ABR: variants seen among roughly 807,000 people sequenced by gnomAD.
ABR encodes active breakpoint cluster region-related protein.
ABR carries 35 observed loss-of-function variants against 107.2 expected under a neutral mutation model. The ratio of observed to expected loss-of-function variants is 0.33; its 90% CI spans 0.25 to 0.43. ABR has a LOEUF of 0.43. ABR is among the 20% of genes least tolerant of loss of function. The pLI, the probability that ABR is intolerant of heterozygous loss-of-function variation, is 1.00. For synonymous variants in ABR, 498 were observed against 462.0 expected, an observed-to-expected ratio of 1.08 and a Z score of -1.00; for missense variants, 815 against 1,115.2, an observed-to-expected ratio of 0.73 and a Z score of 3.83.
intron 2 of ABR, among the ~76,000 whole-genome samples, chr17:1,123,995 T>C (rs1431680345): frequency 1.3e-5 from 2 of 150,526 alleles, no homozygotes; most frequent in African/African-American, 2.4e-5. Flanking sequence ...CCGCCAGCCC[T>C]TCCCACAGGT....
intron 9 of ABR, among the ~76,000 whole-genome samples, chr17:1,069,262 A>G (rs2035016155): frequency 1.3e-5 from 2 of 152,128 alleles, no homozygotes; most frequent in African/African-American, 2.4e-5. Flanking sequence ...TCAGTGGGGG[A>G]CGGGGTTTCC....
rs1426201992 is a variant in ABR at position 1,011,053 on chromosome 17, G to C, written c.2102-190C>G. 1.5e-6 allele frequency: 1 copy of C among 677,188 alleles called. No homozygotes were observed. Among genetic ancestry groups the C allele is most frequent in the African/African-American group, 1.8e-5 (1 of 55,248 alleles). The allele number at this position is 677,188 out of a possible 1,614,324, so 41.9% of individuals were successfully genotyped here. ...TGGGTCGGGGTTGGGGGAACAGGGAGAGATAGCCTGGGGGCCATCTGCTGT... is the reference window on the plus strand; with the variant it reads ...TGGGTCGGGGTTGGGGGAACAGGGACAGATAGCCTGGGGGCCATCTGCTGT... On this transcript the variant is annotated intron_variant, in intron 19 of 22. Coordinates refer to ENST00000302538, the MANE Select transcript of ABR (RefSeq NM_021962.5). This position sits in a 1 kb window ranked among gnomAD's most constrained non-coding sequence, Gnocchi z 4.8.
At chr17:1,177,601 A>T (rs577119492) in intron 1 of ABR, among the ~76,000 whole-genome samples, 2 of 152,118 alleles carry the variant, frequency 1.3e-5, no homozygotes, top group Non-Finnish European at 2.9e-5. Flanking sequence ...GGGGTATGGA[A>T]GACTTGGAAA....
intron 1 of ABR, among the ~76,000 whole-genome samples, chr17:1,145,375 G>A (rs369280754): frequency 3.3e-5 from 5 of 152,268 alleles, no homozygotes; most frequent in East Asian, 1.9e-4. Flanking sequence ...CTTCCCCTCC[G>A]AACCTCCTCA....
At position 1,003,601 on chromosome 17, in the gene ABR, A is replaced by G. The variant is rs1165630520; in HGVS notation, c.*2479T>C. ...GGTTTACATCAATTTATAATAATCT[A>G]CATAAGTTGAAACAGAACATAGACA... On this transcript the variant is annotated 3_prime_UTR_variant, in exon 23 of 23. Coordinates refer to ENST00000302538, the MANE Select transcript of ABR (RefSeq NM_021962.5). 6.6e-6 allele frequency: 1 copy of G among 152,628 alleles called. No individual in the cohort carries two copies. The highest frequency in any genetic ancestry group is 1.5e-5 in the Non-Finnish European group (1 of 68,042). 9.5% of individuals were successfully genotyped at this position (152,628 alleles called of 1,614,324 possible).
intron 2 of ABR, among the ~76,000 whole-genome samples, chr17:1,123,057 C>T (rs1218886390): frequency 6.6e-6 from 1 of 152,154 alleles, no homozygotes; most frequent in African/African-American, 2.4e-5. Context: ...GTGTTTTTAA[C>T]CAAAACATCC....
upstream of ABR, among the ~76,000 whole-genome samples, chr17:1,188,549 C>CAA (rs71148442): frequency 1.1e-4 from 16 of 142,224 alleles, no homozygotes; most frequent in African/African-American, 4.1e-4. Flanking sequence ...GACTCCGTCT[C>CAA]AAAAAAAAAA....
At chr17:1,024,050 G>T (rs1345079739) in intron 16 of ABR, among the ~76,000 whole-genome samples, 2 of 80,414 alleles carry the variant, frequency 2.5e-5, no homozygotes, top group African/African-American at 8.0e-5. Flanking sequence ...AAAAAAAAAA[G>T]CAGCATCAAC....
chr17:1,100,900 T>G (rs879923677), intron 2 of ABR, 165 bp from the exon 3 acceptor site: 19 of 649,376 alleles, frequency 2.9e-5, no homozygotes, highest in Non-Finnish European at 4.8e-5. Context: ...CTCGGCTCAC[T>G]GCAACCTCCG....
At chr17:1,151,485 C>T (rs999313385) in intron 1 of ABR, among the ~76,000 whole-genome samples, 1 of 151,000 alleles carries the variant, frequency 6.6e-6, no homozygotes, top group Non-Finnish European at 1.5e-5. Context: ...TCAACGCCCC[C>T]ACCTCTCTCA....
rs1363591674 is a variant in ABR at position 1,092,778 on chromosome 17, C to T, written c.346-928G>A. ...ACACAGGGCCTGATAACCTGCCATA[C>T]AGGGAAGGTGTGGCAGGGAAGGGCA... On this transcript the variant is annotated intron_variant, in intron 3 of 22. Transcript: ENST00000302538. The surrounding 1 kb of genome is among the most constrained non-coding windows in gnomAD (Gnocchi z 4.6). Among the ~76,000 whole-genome samples, 2 of 151,276 alleles carry T rather than the reference C, an allele frequency of 1.3e-5. No individual in the cohort carries two copies. Among genetic ancestry groups the T allele is most frequent in the African/African-American group, 4.9e-5 (2 of 41,212 alleles).
rs2071188779 is a variant in ABR at position 1,016,626 on chromosome 17, CATTTCTAAA to C, written c.1792-3471_1792-3463del. ...CCACCATGCCTGGCCCCTACCCCAA[CATTTCTAAA>C]AGCCCCTCTGTTCCCCACCCAGGAG... On this transcript the variant is annotated intron_variant, in intron 16 of 22. Coordinates refer to ENST00000302538, the MANE Select transcript of ABR (RefSeq NM_021962.5). 6.6e-5 allele frequency among the ~76,000 whole-genome samples: 10 copies of C among 151,940 alleles called. No homozygotes were observed. In the South Asian group the frequency reaches 2.1e-3, roughly 32 times the overall value.
At chr17:1,017,378 G>A (rs2071240890) in intron 16 of ABR, among the ~76,000 whole-genome samples, 1 of 151,856 alleles carries the variant, frequency 6.6e-6, no homozygotes. Flanking sequence ...TCCCCCAGCA[G>A]TAGCCACACA....
At chr17:1,055,741 A>G in intron 14 of ABR, 1 of 327,078 alleles carries the variant, frequency 3.1e-6, no homozygotes, top group South Asian at 6.4e-5. Flanking sequence ...GTTGGCCCGG[A>G]TGGTCTCGAA....
chr17:1,166,925 T>C (rs2041535617), intron 1 of ABR, among the ~76,000 whole-genome samples: 1 of 152,064 alleles, frequency 6.6e-6, no homozygotes, highest in Non-Finnish European at 1.5e-5. Context: ...TCGCTTGAAC[T>C]GGGAGGCAGA....
Position 1,084,654 on chromosome 17 carries a change from T to C in ABR, c.532-1027A>G, listed in dbSNP as rs1052293990. On this transcript the variant is annotated intron_variant, in intron 4 of 22. Transcript: ENST00000302538. This position sits in a 1 kb window ranked among gnomAD's most constrained non-coding sequence, Gnocchi z 4.2. ...CCAAATATTTATGGAAAGGCTTCGCTGCGCTGTATATAAGCACTTCCTCTT... is the reference window on the plus strand; with the variant it reads ...CCAAATATTTATGGAAAGGCTTCGCCGCGCTGTATATAAGCACTTCCTCTT... Among the ~76,000 whole-genome samples, 5 of 152,212 alleles carry C rather than the reference T, an allele frequency of 3.3e-5. No homozygotes were observed. The highest frequency in any genetic ancestry group is 4.8e-5 in the African/African-American group (2 of 41,466).
chr17:1,193,400 C>G (rs1001656898), intron 1 of ABR, among the ~76,000 whole-genome samples: 1 of 152,162 alleles, frequency 6.6e-6, no homozygotes, highest in Non-Finnish European at 1.5e-5. Context: ...AAGCACGTAA[C>G]CTTCACTCTT....
At chr17:1,164,808 A>G (rs920604939) in intron 1 of ABR, among the ~76,000 whole-genome samples, 1 of 152,056 alleles carries the variant, frequency 6.6e-6, no homozygotes. Context: ...CTGGGACTAC[A>G]GGTGTCTGCC....
At chr17:1,222,852 T>C (rs560040738) in intron 1 of ABR, among the ~76,000 whole-genome samples, 1 of 152,170 alleles carries the variant, frequency 6.6e-6, no homozygotes, top group South Asian at 2.1e-4. Context: ...GAGGCTGCAG[T>C]GAGCTGTGTT....
Sources: gnomAD v4.1 joint callset for allele counts (sites outside exome capture counted in the v4.1 genomes callset) on GRCh38, gnomAD v4.1.1 for gene constraint, Gnocchi (gnomAD v3.1) non-coding constraint, MANE v1.5 for transcripts, NCBI Gene and HGNC (gene_info 2026-07-23, HGNC 2026-07-21) for gene names.